The following COL19A1 variants were observed in gnomAD, a reference collection of about 807,000 sequenced individuals.
The protein encoded by COL19A1 is collagen type XIX alpha 1 chain.
A neutral mutation model predicts 190.2 loss-of-function variants in COL19A1; 159 were observed. The observed-to-expected ratio is 0.84, with a 90% CI of 0.73 to 0.95. The LOEUF is 0.95. COL19A1 is among the 40% of genes least tolerant of loss of function. The pLI, the probability that COL19A1 is intolerant of heterozygous loss-of-function variation, is 0.00. For synonymous variants in COL19A1, 509 were observed against 458.9 expected (o/e 1.11, Z -1.39); for missense variants, 1,418 against 1,431.9 (o/e 0.99, Z 0.16).
intron 3 of COL19A1, among the ~76,000 whole-genome samples, 198 bp from the exon 4 acceptor site, chr6:69,900,041 C>T (rs1197507846): frequency 3.3e-5 from 5 of 151,940 alleles, no homozygotes; most frequent in African/African-American, 1.2e-4. Flanking sequence ...AAAATGGCTA[C>T]ACGTTCTATA....
chr6:70,155,171 T>A (rs182690261), intron 31 of COL19A1, among the ~76,000 whole-genome samples: 155 of 152,248 alleles, frequency 1.0e-3, no homozygotes, highest in African/African-American at 3.5e-3. Context: ...GTCAAAAATA[T>A]TGAATTTGAA....
At chr6:69,909,627 C>T (rs1024832652) in intron 4 of COL19A1, among the ~76,000 whole-genome samples, 1 of 152,086 alleles carries the variant, frequency 6.6e-6, no homozygotes, top group Non-Finnish European at 1.5e-5. Context: ...AATATAATTA[C>T]ATGAGATAAT....
rs557082984 is a variant in COL19A1, at chr6:70,097,728, A to G, written c.1225-4441A>G. The stretch of plus-strand genomic sequence containing the variant: ...TTTCCAGGGCAACTTAATAGAGTAA[A>G]TCTGTGTTTTGCTCTTTATACCACA... On this transcript the variant is annotated intron_variant, in intron 15 of 50. Coordinates refer to ENST00000620364, the MANE Select transcript of COL19A1 (RefSeq NM_001858.6). Among the ~76,000 whole-genome samples, 7 of 152,256 alleles carry G rather than the reference A, an allele frequency of 4.6e-5. No homozygotes were observed. The South Asian group carries it at 1.5e-3, about 32-fold the overall frequency.
At chr6:70,101,483 T>C (rs1783627996) in intron 15 of COL19A1, among the ~76,000 whole-genome samples, 1 of 152,202 alleles carries the variant, frequency 6.6e-6, no homozygotes, top group Non-Finnish European at 1.5e-5. Context: ...TATTTGGTTG[T>C]AATCATGAAG....
In COL19A1 at chr6:70,172,083, T is replaced by C. The variant is rs910823819; in HGVS notation, c.2622+66T>C. The C allele has an allele frequency of 3.3e-6, 5 of 1,499,466 alleles. No individual in the cohort carries two copies. The African/African-American group carries it at 4.2e-5, about 13-fold the overall frequency. 92.9% of individuals were successfully genotyped at this position (1,499,466 alleles called of 1,614,324 possible). A position where few individuals can be genotyped will look rare whatever the true frequency, so the allele number is the denominator to read the frequency against. On this transcript the variant is annotated intron_variant, in intron 41 of 50. Coordinates refer to ENST00000620364, the MANE Select transcript of COL19A1 (RefSeq NM_001858.6). ...TCAAAATTGTTTACTGAGCACCTAATGTGCCAAAAACTGTTTTAGGTTAGG... is the reference window on the plus strand; with the variant it reads ...TCAAAATTGTTTACTGAGCACCTAACGTGCCAAAAACTGTTTTAGGTTAGG...
At chr6:69,991,201 A>G (rs777544219) in intron 11 of COL19A1, among the ~76,000 whole-genome samples, 8 of 152,056 alleles carry the variant, frequency 5.3e-5, no homozygotes, top group Non-Finnish European at 1.2e-4. Context: ...AGCTCCATCC[A>G]TGTTGCTGCA....
chr6:70,032,264 C>G (rs1270709979), intron 12 of COL19A1, among the ~76,000 whole-genome samples: 4 of 152,134 alleles, frequency 2.6e-5, no homozygotes, highest in African/African-American at 9.7e-5. Context: ...GAGATTCTCT[C>G]TAAACATACT....
intron 14 of COL19A1, among the ~76,000 whole-genome samples, chr6:70,067,495 A>G (rs1363889585): frequency 6.6e-6 from 1 of 152,080 alleles, no homozygotes; most frequent in Non-Finnish European, 1.5e-5. Flanking sequence ...TGAGTTCAGC[A>G]TTTGATGGGG....
intron 16 of COL19A1, among the ~76,000 whole-genome samples, chr6:70,113,731 C>T (rs553560794): frequency 6.4e-4 from 97 of 152,018 alleles, no homozygotes; most frequent in African/African-American, 2.0e-3. Context: ...TAGTAGAAGC[C>T]CTCCATGATT....
chr6:69,974,418 A>G (rs1582573080), intron 11 of COL19A1, among the ~76,000 whole-genome samples: 1 of 152,220 alleles, frequency 6.6e-6, no homozygotes. Flanking sequence ...ACTCACTGAT[A>G]GTGATTCTGC....
chr6:70,163,697 G>C (rs1787963283), intron 36 of COL19A1, among the ~76,000 whole-genome samples: 1 of 152,186 alleles, frequency 6.6e-6, no homozygotes, highest in Non-Finnish European at 1.5e-5. Flanking sequence ...GAGCCTCCTG[G>C]AAGGATGCAA....
rs562861796 is a variant in COL19A1 at position 69,950,318 on chromosome 6, T to G, written c.937-9678T>G. 1.5e-4 allele frequency among the ~76,000 whole-genome samples: 23 copies of G among 151,922 alleles called. No individual in the cohort carries two copies. The South Asian group carries it at 4.6e-3, about 30-fold the overall frequency. Reference sequence around the variant, plus strand: ...CTCTAATAAGGATGAAGTATAGCATTTAGTTATGTTCTTTTGTAATTGTAA... The same window carrying G: ...CTCTAATAAGGATGAAGTATAGCATGTAGTTATGTTCTTTTGTAATTGTAA... On this transcript the variant is annotated intron_variant, in intron 9 of 50. Transcript: ENST00000620364.
Position 69,932,798 on chromosome 6 carries a change from C to T in COL19A1, c.682C>T (p.Leu228Phe). Residue 228 changes from leucine (L) to phenylalanine (F), a missense_variant, in exon 7 of 51, where the codon CTT becomes TTT. Transcript: ENST00000620364. ...TTTTTCATAGATTGAACTTCACCAA[C>T]TTAAAATCTACTGCAGTGCAAACCT... ...GKPVDIELHQ[L>F]KIYCSANLIA... 6.2e-7 allele frequency: 1 copy of T among 1,600,144 alleles called. No individual in the cohort carries two copies.
Position 70,166,191 on chromosome 6 carries a change from A to G in COL19A1, c.2445+206A>G, listed in dbSNP as rs141984908. Among the ~76,000 whole-genome samples the G allele has an allele frequency of 5.6e-4, 86 of 152,326 alleles. 1 individual carries two copies. The East Asian group carries it at 0.014, about 25-fold the overall frequency. ...CTCAATGTGCAATGCTCAGATTGGC[A>G]TACTGCGGGTCTCCCCATCTTGGAT... On this transcript the variant is annotated intron_variant, in intron 37 of 50. Coordinates refer to ENST00000620364, the MANE Select transcript of COL19A1 (RefSeq NM_001858.6).
At chr6:69,981,155 T>G (rs542728930) in intron 11 of COL19A1, among the ~76,000 whole-genome samples, 1 of 152,210 alleles carries the variant, frequency 6.6e-6, no homozygotes, top group Admixed American at 6.5e-5. Context: ...TGTTATAACA[T>G]AGTATTACTT....
chr6:69,999,354 G>A (rs959126701), intron 11 of COL19A1, among the ~76,000 whole-genome samples: 5 of 152,036 alleles, frequency 3.3e-5, no homozygotes, highest in African/African-American at 1.2e-4. Context: ...ATCAAGGTGA[G>A]ACCCTGTCTC....
At chr6:70,143,354 T>A (rs1423924187) in intron 23 of COL19A1, among the ~76,000 whole-genome samples, 1 of 152,166 alleles carries the variant, frequency 6.6e-6, no homozygotes, top group Non-Finnish European at 1.5e-5. Flanking sequence ...TACACCTTTC[T>A]ATTCATTATC....
At chr6:70,127,980 T>G (rs1346978566) in intron 17 of COL19A1, among the ~76,000 whole-genome samples, 1 of 152,234 alleles carries the variant, frequency 6.6e-6, no homozygotes, top group Non-Finnish European at 1.5e-5. Context: ...ATGGAATTCC[T>G]GCTCAATTTA....
chr6:70,202,245 A>ATTTTG (rs113068558), intron 49 of COL19A1, among the ~76,000 whole-genome samples: 3 of 151,730 alleles, frequency 2.0e-5, no homozygotes, highest in East Asian at 1.9e-4. Flanking sequence ...TAGATGAGAC[A>ATTTTG]TTTTGTTTTG....
Sources: allele counts gnomAD v4.1 joint callset (sites outside exome capture counted in the v4.1 genomes callset), GRCh38; gene constraint gnomAD v4.1.1; transcripts MANE v1.5; gene names NCBI Gene and HGNC (gene_info 2026-07-23, HGNC 2026-07-21).